HPSE2: variants seen among roughly 807,000 people sequenced by gnomAD.
The protein encoded by HPSE2 is heparanase 2 (inactive).
HPSE2 carries 38 observed loss-of-function variants against 60.5 expected under a neutral mutation model. The observed-to-expected ratio is 0.63, with a 90% confidence interval of 0.48 to 0.82. HPSE2 has a LOEUF of 0.82. Ranked by LOEUF, HPSE2 falls within the 40% of genes least tolerant of loss-of-function variation. The pLI, the probability that HPSE2 is intolerant of heterozygous loss-of-function variation, is 0.00. For missense variants in HPSE2, 713 were observed against 740.4 expected (o/e 0.96, Z 0.43); for synonymous variants, 295 against 293.2 (o/e 1.01, Z -0.06).
intron 9 of HPSE2, among the ~76,000 whole-genome samples, chr10:98,548,419 C>T (rs1315980186): frequency 1.3e-5 from 2 of 152,040 alleles, no homozygotes; most frequent in African/African-American, 4.8e-5. Context: ...GAGTTCAAGA[C>T]CAGTGTGGCC....
chr10:98,599,910 A>G (rs1196668875), intron 9 of HPSE2, among the ~76,000 whole-genome samples: 2 of 152,190 alleles, frequency 1.3e-5, no homozygotes, highest in Non-Finnish European at 2.9e-5. Context: ...TTTTTGGCTA[A>G]TTTTAAAGAC....
intron 2 of HPSE2, among the ~76,000 whole-genome samples, chr10:99,151,917 T>C (rs1487727353): frequency 1.3e-5 from 2 of 151,700 alleles, no homozygotes; most frequent in Admixed American, 6.6e-5. Context: ...CCCTATCTCA[T>C]AAATAAATAG....
intron 9 of HPSE2, among the ~76,000 whole-genome samples, chr10:98,600,533 CA>C (rs1425012069): frequency 1.3e-5 from 2 of 151,834 alleles, no homozygotes; most frequent in African/African-American, 4.8e-5. Flanking sequence ...TAGAGATTAC[CA>C]AAAACAAAGT....
chr10:98,845,318 T>A (rs1952009098), intron 3 of HPSE2, among the ~76,000 whole-genome samples: 1 of 152,200 alleles, frequency 6.6e-6, no homozygotes. Context: ...AAAGATGTCT[T>A]CCAATATTAG....
chr10:99,032,125 GT>G (rs1468331746), intron 3 of HPSE2, among the ~76,000 whole-genome samples: 4 of 152,064 alleles, frequency 2.6e-5, no homozygotes, highest in Non-Finnish European at 4.4e-5. Context: ...ATTGAAAGGC[GT>G]TTTTTACAGA....
chr10:98,731,816 GGAAA>G (rs1424721779), intron 4 of HPSE2, among the ~76,000 whole-genome samples: 1 of 151,918 alleles, frequency 6.6e-6, no homozygotes, highest in Non-Finnish European at 1.5e-5. Flanking sequence ...CATCCAAATT[GGAAA>G]GAAAGAAGCA....
intron 3 of HPSE2, among the ~76,000 whole-genome samples, chr10:98,948,135 CAT>C (rs1398904483): frequency 6.6e-6 from 1 of 152,166 alleles, no homozygotes; most frequent in Non-Finnish European, 1.5e-5. Flanking sequence ...AGGATTACAA[CAT>C]TGAAGATGCC....
At chr10:98,600,831 CAA>C (rs763793046) in intron 9 of HPSE2, among the ~76,000 whole-genome samples, 3 of 141,210 alleles carry the variant, frequency 2.1e-5, no homozygotes, top group African/African-American at 7.8e-5. Context: ...TAGATATACA[CAA>C]AGATATATAT....
In HPSE2 at chr10:99,144,245, T is replaced by C. The variant is rs1845969547; in HGVS notation, c.603A>G (p.Ile201Met). 6.2e-7 allele frequency: 1 copy of C among 1,613,750 alleles called. No homozygotes were observed. Among genetic ancestry groups the C allele is most frequent in the South Asian group, 1.1e-5 (1 of 91,086 alleles). ...EQFSNTYSNL[I>M]LTARSLDKLY... ...CAACTCCAATAGCCTTACCTGTTAATATGAGATTACTGTAAGTATTGGAGA... is the reference window on the plus strand; with the variant it reads ...CAACTCCAATAGCCTTACCTGTTAACATGAGATTACTGTAAGTATTGGAGA... The change falls in exon 3 of 12, where the codon ATA becomes ATG. Residue 201 changes from isoleucine to methionine, a missense_variant. By Grantham distance (10) the Ile-to-Met change is conservative. Transcript: ENST00000370552.
intron 3 of HPSE2, among the ~76,000 whole-genome samples, chr10:99,005,247 T>C (rs929459669): frequency 9.4e-6 from 1 of 106,484 alleles, no homozygotes; most frequent in African/African-American, 3.4e-5. Flanking sequence ...GTAAGCTTTT[T>C]ACCCCATTTG....
At chr10:99,165,081 CAAAAAAAAAAA>C (rs56263581) in intron 2 of HPSE2, among the ~76,000 whole-genome samples, 5 of 65,764 alleles carry the variant, frequency 7.6e-5, no homozygotes, top group African/African-American at 1.2e-4. Flanking sequence ...GACTCGGTCT[CAAAAAAAAAAA>C]AAAAAAAAAA....
intron 9 of HPSE2, among the ~76,000 whole-genome samples, chr10:98,541,815 GA>G (rs1293179636): frequency 1.3e-5 from 2 of 152,252 alleles, no homozygotes; most frequent in Non-Finnish European, 2.9e-5. Flanking sequence ...AAGCAGCCAG[GA>G]AGCTGGAACT....
At chr10:98,904,652 T>C (rs1953759968) in intron 3 of HPSE2, among the ~76,000 whole-genome samples, 1 of 152,184 alleles carries the variant, frequency 6.6e-6, no homozygotes, top group South Asian at 2.1e-4. Flanking sequence ...TTCTGATTGA[T>C]TTAATGTTTG....
chr10:98,910,659 C>G (rs1953953719), intron 3 of HPSE2, among the ~76,000 whole-genome samples: 1 of 152,162 alleles, frequency 6.6e-6, no homozygotes, highest in East Asian at 1.9e-4. Flanking sequence ...ACAGTAATCT[C>G]TCAGTGTCAA....
At chr10:99,181,393 G>A (rs1254924191) in intron 2 of HPSE2, among the ~76,000 whole-genome samples, 3 of 38,098 alleles carry the variant, frequency 7.9e-5, no homozygotes, top group East Asian at 1.5e-3. Context: ...GCGAGACTCC[G>A]TCTCAAAAAA....
intron 9 of HPSE2, among the ~76,000 whole-genome samples, chr10:98,509,339 GA>G (rs1942308296): frequency 6.6e-6 from 1 of 151,244 alleles, no homozygotes; most frequent in Non-Finnish European, 1.5e-5. Flanking sequence ...AAAAACAGAA[GA>G]AGAAAAAAAG....
chr10:98,730,311 G>A (rs767675865), intron 4 of HPSE2, among the ~76,000 whole-genome samples: 3 of 151,998 alleles, frequency 2.0e-5, no homozygotes, highest in Non-Finnish European at 4.4e-5. Flanking sequence ...AAAAAGATAT[G>A]GGATGCAGCT....
At chr10:98,694,727 T>C (rs1948166995) in intron 5 of HPSE2, among the ~76,000 whole-genome samples, 1 of 152,166 alleles carries the variant, frequency 6.6e-6, no homozygotes, top group Admixed American at 6.5e-5. Flanking sequence ...AAATTGCATG[T>C]TTGTGAATAA....
chr10:98,834,592 T>C (rs968687894), intron 3 of HPSE2, among the ~76,000 whole-genome samples: 5 of 152,146 alleles, frequency 3.3e-5, no homozygotes, highest in African/African-American at 9.7e-5. Context: ...GTAGAAATAA[T>C]GTCCCTCATG....
Sources: gnomAD v4.1 joint callset for allele counts (sites outside exome capture counted in the v4.1 genomes callset) on GRCh38, gnomAD v4.1.1 for gene constraint, MANE v1.5 for transcripts, NCBI Gene and HGNC (gene_info 2026-07-23, HGNC 2026-07-21) for gene names.